USH2A: variants seen among roughly 807,000 people sequenced by gnomAD.
The protein encoded by USH2A is Usher syndrome 2A (autosomal recessive, mild).
Under a neutral mutation model 538.9 loss-of-function variants are expected in USH2A, and 443 were observed. The ratio of observed to expected loss-of-function variants is 0.82; its 90% CI spans 0.76 to 0.89. USH2A has a LOEUF of 0.89. USH2A is among the 40% of genes least tolerant of loss of function. USH2A has a pLI of 0.00. For synonymous variants in USH2A, 2,413 were observed against 2,273.5 expected (o/e 1.06, Z -1.75); for missense variants, 6,633 against 6,324.8 (o/e 1.05, Z -1.65).
intron 64 of USH2A, among the ~76,000 whole-genome samples, chr1:215,661,888 C>T (rs1450042687): frequency 6.6e-6 from 1 of 152,142 alleles, no homozygotes; most frequent in Non-Finnish European, 1.5e-5. Flanking sequence ...CTGCTTCTTC[C>T]TCCCTGGGTC....
chr1:216,295,780 T>C (rs2037091705), intron 9 of USH2A, among the ~76,000 whole-genome samples: 2 of 152,032 alleles, frequency 1.3e-5, no homozygotes, highest in Non-Finnish European at 2.9e-5. Flanking sequence ...TCCAAGATAA[T>C]GGTCCTTTGC....
At chr1:216,149,188 T>C (rs35868003) in intron 21 of USH2A, among the ~76,000 whole-genome samples, 12,588 of 152,182 alleles carry the variant, frequency 0.083, 596 homozygotes, top group Middle Eastern at 0.13. Flanking sequence ...CTCATGTCTG[T>C]GTGCAGCGGC....
In USH2A at chr1:216,422,443, C is replaced by T. The variant is rs980261773; in HGVS notation, c.-107G>A. Reference sequence around the variant, plus strand: ...AAGCAGGGTACTTTAAGTGATGTTGCGATACTCCATTTTCTGGAAACTGCA... The same window carrying T: ...AAGCAGGGTACTTTAAGTGATGTTGTGATACTCCATTTTCTGGAAACTGCA... On this transcript the variant is annotated 5_prime_UTR_variant, in exon 2 of 72. Coordinates refer to ENST00000307340, the MANE Select transcript of USH2A (RefSeq NM_206933.4). 14 of 1,516,772 alleles carry T rather than the reference C, an allele frequency of 9.2e-6. No individual in the cohort carries two copies. In the African/African-American group the frequency reaches 1.1e-4, roughly 12 times the overall value. The allele number at this position is 1,516,772 out of a possible 1,614,324, so 94.0% of individuals were successfully genotyped here.
intron 47 of USH2A, among the ~76,000 whole-genome samples, chr1:215,829,987 T>C (rs958608276): frequency 6.6e-6 from 1 of 152,108 alleles, no homozygotes; most frequent in Non-Finnish European, 1.5e-5. Context: ...TGATTACAAC[T>C]CAGTATCTGC....
At position 216,045,516 on chromosome 1, in the gene USH2A, G is replaced by A. The variant is rs567462953; in HGVS notation, c.6325+915C>T. ...CATTAGTGAGGATTTTAAAGTATTC[G>A]TGTGGTACAGAAGTAATTACTGTCA... On this transcript the variant is annotated intron_variant, in intron 32 of 71. Transcript: ENST00000307340. Among the ~76,000 whole-genome samples, 10 of 152,148 alleles carry A rather than the reference G, an allele frequency of 6.6e-5. No individual in the cohort carries two copies. The East Asian group carries it at 9.7e-4, about 15-fold the overall frequency.
rs765098958 is a variant in USH2A, at chr1:216,421,919, G to A, written c.418C>T (p.Pro140Ser). 1 of 1,613,810 alleles carries A rather than the reference G, an allele frequency of 6.2e-7. No homozygotes were observed. Among genetic ancestry groups the A allele is most frequent in the African/African-American group, 1.3e-5 (1 of 74,900 alleles). Reference protein sequence around the residue: ...GNHKSCFSSPPSPKLMASFTL... With the variant: ...GNHKSCFSSPSSPKLMASFTL... ...AATGATGCCATCAGCTTTGGAGAAG[G>A]AGGAGAAGAAAAGCAGCTCTTGTGA... Residue 140 changes from proline to serine, a missense_variant, in exon 2 of 72, where the codon CCT becomes TCT. By Grantham distance (74) the Pro-to-Ser change is moderately conservative. Coordinates refer to ENST00000307340, the MANE Select transcript of USH2A (RefSeq NM_206933.4).
At chr1:216,253,343 T>C (rs1398156570) in intron 11 of USH2A, among the ~76,000 whole-genome samples, 1 of 152,080 alleles carries the variant, frequency 6.6e-6, no homozygotes, top group Non-Finnish European at 1.5e-5. Context: ...TTTTTATCTT[T>C]TTAGTAGAGA....
chr1:215,805,984 C>CAAAAAAA (rs57712355), intron 49 of USH2A, among the ~76,000 whole-genome samples: 2 of 93,468 alleles, frequency 2.1e-5, no homozygotes, highest in African/African-American at 3.4e-5. Context: ...AAGACACAAT[C>CAAAAAAA]AAAAAAAAAA....
intron 61 of USH2A, among the ~76,000 whole-genome samples, chr1:215,721,642 T>G (rs1659662631): frequency 2.0e-5 from 3 of 152,140 alleles, no homozygotes; most frequent in African/African-American, 7.2e-5. Context: ...TATATGTATT[T>G]ATGACTTTCA....
chr1:215,863,641 T>C (rs914378118), intron 44 of USH2A, among the ~76,000 whole-genome samples: 1 of 149,652 alleles, frequency 6.7e-6, no homozygotes, highest in Non-Finnish European at 1.5e-5. Flanking sequence ...GGAAGGAAAA[T>C]AGGAAGAAAG....
chr1:216,320,900 T>C (rs1198963917), intron 9 of USH2A, among the ~76,000 whole-genome samples: 1 of 152,122 alleles, frequency 6.6e-6, no homozygotes, highest in Non-Finnish European at 1.5e-5. Flanking sequence ...TTAACCCTTA[T>C]ACTGTGTAGA....
chr1:216,067,570 T>C (rs2031421929), intron 30 of USH2A, among the ~76,000 whole-genome samples: 1 of 151,546 alleles, frequency 6.6e-6, no homozygotes, highest in Admixed American at 6.6e-5. Flanking sequence ...GGTAGTAGTT[T>C]GGGCTGGCCA....
chr1:215,789,996 T>A (rs928824817), intron 51 of USH2A, 63 bp downstream of exon 51: 4 of 1,498,610 alleles, frequency 2.7e-6, no homozygotes, highest in Non-Finnish European at 3.7e-6. Context: ...AAAATAGTTA[T>A]GAACAATGTA....
intron 11 of USH2A, among the ~76,000 whole-genome samples, chr1:216,254,569 C>G (rs925564463): frequency 1.8e-4 from 28 of 152,202 alleles, no homozygotes; most frequent in Admixed American, 2.0e-4. Context: ...AGAGTTCATT[C>G]TTTCTTGCTG....
intron 44 of USH2A, among the ~76,000 whole-genome samples, chr1:215,853,241 G>C (rs946133366): frequency 6.6e-6 from 1 of 152,226 alleles, no homozygotes; most frequent in Non-Finnish European, 1.5e-5. Context: ...GCCAGGTCTT[G>C]GGGGTTGCAC....
At position 215,779,937 on chromosome 1, in the gene USH2A, T is replaced by C; in HGVS notation, c.10845A>G (p.Lys3615=). The change falls in exon 55 of 72, where the codon AAA becomes AAG. Residue 3615 remains lysine (K), a synonymous_variant. Coordinates refer to ENST00000307340, the MANE Select transcript of USH2A (RefSeq NM_206933.4). The part of the protein sequence containing the change: ...ALHLSWSVPE[K]SNGVIKEYQI... ...GGTACTCTTTAATGACGCCGTTTGATTTCTCAGGGACACTCCAGCTCAGAT... is the reference window on the plus strand; with the variant it reads ...GGTACTCTTTAATGACGCCGTTTGACTTCTCAGGGACACTCCAGCTCAGAT... The C allele has an allele frequency of 6.2e-7, 1 of 1,614,146 alleles. No individual in the cohort carries two copies. The highest frequency in any genetic ancestry group is 1.3e-5 in the African/African-American group (1 of 75,026).
chr1:216,258,090 T>C (rs1009360462), intron 11 of USH2A, among the ~76,000 whole-genome samples: 1 of 152,126 alleles, frequency 6.6e-6, no homozygotes, highest in African/African-American at 2.4e-5. Flanking sequence ...CTGATAATCT[T>C]TGATTTGGTG....
intron 40 of USH2A, among the ~76,000 whole-genome samples, chr1:215,899,363 C>T (rs972034743): frequency 2.0e-5 from 3 of 152,188 alleles, no homozygotes; most frequent in Admixed American, 2.0e-4. Flanking sequence ...CTTATTCACT[C>T]TGTGTAGCTT....
chr1:215,891,040 A>G (rs1465580524), intron 40 of USH2A, among the ~76,000 whole-genome samples: 2 of 152,190 alleles, frequency 1.3e-5, no homozygotes, highest in Admixed American at 6.5e-5. Flanking sequence ...GGGAAAAGAA[A>G]CAACAATGAT....
Sources: allele counts gnomAD v4.1 joint callset (sites outside exome capture counted in the v4.1 genomes callset), GRCh38; gene constraint gnomAD v4.1.1; transcripts MANE v1.5; gene names NCBI Gene and HGNC (gene_info 2026-07-23, HGNC 2026-07-21).